Variants in LIMD1 observed in about 807,000 individuals in gnomAD.
LIMD1 encodes the protein LIM domain containing 1, also known as LIM domain-containing protein 1.
In LIMD1, 23 loss-of-function variants were observed where a neutral mutation model predicts 58.4. That is an observed-to-expected ratio of 0.39 (90% CI 0.28 to 0.56). The LOEUF (loss-of-function observed/expected upper bound fraction) is 0.56, where lower values mean the gene tolerates loss of function less well. LIMD1 is among the 20% of genes least tolerant of loss of function. The pLI is 0.57. For missense variants in LIMD1, 838 were observed against 855.5 expected (o/e 0.98, Z 0.25); for synonymous variants, 334 against 345.5 (o/e 0.97, Z 0.37).
intron 2 of LIMD1, among the ~76,000 whole-genome samples, chr3:45,637,383 C>T (rs541291169): frequency 6.6e-6 from 1 of 151,702 alleles, no homozygotes; most frequent in African/African-American, 2.4e-5. Context: ...TGGGTTCAAG[C>T]GATTCTTTTG....
intron 2 of LIMD1, among the ~76,000 whole-genome samples, chr3:45,651,038 A>G (rs1361900021): frequency 7.0e-6 from 1 of 143,620 alleles, no homozygotes; most frequent in Non-Finnish European, 1.5e-5. Context: ...TCTAACTGAC[A>G]TGAGATGGTA....
At chr3:45,599,830 C>T (rs769375814) in intron 1 of LIMD1, among the ~76,000 whole-genome samples, 46 of 152,302 alleles carry the variant, frequency 3.0e-4, no homozygotes, top group Non-Finnish European at 6.0e-4. Flanking sequence ...GGCTGAGCTG[C>T]CAGCTATGTA....
Position 45,672,673 on chromosome 3 carries a change from C to A in LIMD1, c.1642-17C>A. The stretch of plus-strand genomic sequence containing the variant: ...TCCTTCCCTATAATCCCCACTGAGT[C>A]TTGGTCTCTGCTCCAGATCCTGCAA... On this transcript the variant is annotated splice_polypyrimidine_tract_variant and intron_variant, in intron 4 of 7. Coordinates refer to ENST00000273317, the MANE Select transcript of LIMD1 (RefSeq NM_014240.3). 2 of 1,613,108 alleles carry A rather than the reference C, an allele frequency of 1.2e-6. No individual in the cohort carries two copies. Among genetic ancestry groups the A allele is most frequent in the South Asian group, 1.1e-5 (1 of 91,026 alleles).
chr3:45,660,967 G>C (rs1466402209), intron 2 of LIMD1, among the ~76,000 whole-genome samples: 1 of 152,152 alleles, frequency 6.6e-6, no homozygotes, highest in African/African-American at 2.4e-5. Flanking sequence ...CCCAGCTGTA[G>C]GTAGACATTC....
intron 2 of LIMD1, among the ~76,000 whole-genome samples, chr3:45,661,814 A>G (rs1697445610): frequency 6.6e-6 from 1 of 152,234 alleles, no homozygotes; most frequent in Non-Finnish European, 1.5e-5. Context: ...GCTGGCGTGC[A>G]CAGACGTGAT....
chr3:45,597,965 T>G (rs1188851023), intron 1 of LIMD1, among the ~76,000 whole-genome samples: 3 of 152,144 alleles, frequency 2.0e-5, no homozygotes, highest in Non-Finnish European at 2.9e-5. Flanking sequence ...TTTTTTAAAT[T>G]TATTTTTATT....
At chr3:45,648,929 T>C (rs1057118348) in intron 2 of LIMD1, among the ~76,000 whole-genome samples, 19 of 152,244 alleles carry the variant, frequency 1.2e-4, no homozygotes, top group African/African-American at 4.3e-4. Context: ...TGTCTTTTTA[T>C]TATTGAGTCT....
In LIMD1 at chr3:45,595,889, T is replaced by A; in HGVS notation, c.1010T>A (p.Phe337Tyr). ...CCCAATGTGGACCCCCAACCCTGGT[T>A]CCAGGATGGGCCCAAATCTTACCTT... is the stretch of plus-strand genomic sequence containing the variant. ...SKPNVDPQPW[F>Y]QDGPKSYLSS... Residue 337 changes from phenylalanine (F) to tyrosine (Y), a missense_variant, in exon 1 of 8, where the codon TTC (phenylalanine) becomes TAC (tyrosine). Coordinates refer to ENST00000273317, the MANE Select transcript of LIMD1 (RefSeq NM_014240.3). 1 of 1,614,212 alleles carries A rather than the reference T, an allele frequency of 6.2e-7. No individual in the cohort carries two copies. Among genetic ancestry groups the A allele is most frequent in the Non-Finnish European group, 8.5e-7 (1 of 1,180,038 alleles).
intron 2 of LIMD1, among the ~76,000 whole-genome samples, chr3:45,642,625 C>CT (rs1701855467): frequency 6.6e-6 from 1 of 152,214 alleles, no homozygotes; most frequent in Admixed American, 6.5e-5. Context: ...ATGTTGTATC[C>CT]TTTTCAATTT....
intron 7 of LIMD1, 180 bp downstream of exon 7, chr3:45,674,591 TC>T: frequency 1.7e-6 from 1 of 593,252 alleles, no homozygotes. Context: ...ATGGAAATGC[TC>T]AAGGTATAAA....
At chr3:45,617,457 T>G (rs1169056105) in intron 1 of LIMD1, among the ~76,000 whole-genome samples, 1 of 152,200 alleles carries the variant, frequency 6.6e-6, no homozygotes, top group African/African-American at 2.4e-5. Flanking sequence ...CTCTCCATTT[T>G]ATCACATGAA....
intron 1 of LIMD1, among the ~76,000 whole-genome samples, chr3:45,609,123 C>G (rs1263769887): frequency 6.6e-6 from 1 of 152,142 alleles, no homozygotes; most frequent in African/African-American, 2.4e-5. Context: ...GTAGCTGTGC[C>G]AATTTTCACC....
intron 1 of LIMD1, among the ~76,000 whole-genome samples, chr3:45,614,391 G>A (rs1337196772): frequency 6.7e-6 from 1 of 150,080 alleles, no homozygotes; most frequent in South Asian, 2.1e-4. Context: ...GCCGGGCGTG[G>A]TGGCGGGCAC....
chr3:45,609,194 C>T (rs1042165908), intron 1 of LIMD1, among the ~76,000 whole-genome samples: 7 of 152,104 alleles, frequency 4.6e-5, no homozygotes, highest in East Asian at 1.9e-4. Flanking sequence ...ACTTGGGTGA[C>T]GTTGCTTGTG....
At chr3:45,662,276 A>AGAGTGT (rs1553646360) in intron 2 of LIMD1, among the ~76,000 whole-genome samples, 39 of 111,590 alleles carry the variant, frequency 3.5e-4, no homozygotes, top group Middle Eastern at 9.8e-3. Context: ...GTTTCACCTA[A>AGAGTGT]GTGTGTGTGT....
chr3:45,647,680 G>A (rs576576794), intron 2 of LIMD1, among the ~76,000 whole-genome samples: 322 of 152,306 alleles, frequency 2.1e-3, no homozygotes, highest in African/African-American at 7.1e-3. Context: ...GCACAGCAGC[G>A]AGGAGGCCAC....
In LIMD1 at chr3:45,681,054, GCTAT is replaced by G. The variant is rs1697737001; in HGVS notation, c.*3998_*4001del. 6.6e-6 allele frequency: 1 copy of G among 151,470 alleles called. No homozygotes were observed. Among genetic ancestry groups the G allele is most frequent in the Admixed American group, 6.6e-5 (1 of 15,196 alleles). The allele number at this position is 151,470 out of a possible 1,614,324, so 9.4% of individuals were successfully genotyped here. ...ACAGAAAAAAGAGTGAAATATATTA[GCTAT>G]CTTTTATTCTGAGCCAAAACTTGAC... On this transcript the variant is annotated 3_prime_UTR_variant, in exon 8 of 8. Coordinates refer to ENST00000273317, the MANE Select transcript of LIMD1 (RefSeq NM_014240.3).
At chr3:45,670,942 T>A (rs1034213175) in intron 4 of LIMD1, among the ~76,000 whole-genome samples, 1 of 152,200 alleles carries the variant, frequency 6.6e-6, no homozygotes, top group African/African-American at 2.4e-5. Context: ...GAACCAGGCA[T>A]AGTCTCACAT....
chr3:45,660,029 T>C (rs889757452), intron 2 of LIMD1, among the ~76,000 whole-genome samples: 2 of 152,248 alleles, frequency 1.3e-5, no homozygotes, highest in Admixed American at 6.5e-5. Context: ...TCTTCCTCTG[T>C]GATTTTTGGA....
Sources: gnomAD v4.1 joint callset for allele counts (sites outside exome capture counted in the v4.1 genomes callset) on GRCh38, gnomAD v4.1.1 for gene constraint, MANE v1.5 for transcripts, NCBI Gene and HGNC (gene_info 2026-07-23, HGNC 2026-07-21) for gene names.